The following TAFA1 variants were observed in gnomAD, a reference collection of about 807,000 sequenced individuals.
The protein encoded by TAFA1 is chemokine-like protein TAFA-1.
In TAFA1, 4 loss-of-function variants were observed where a neutral mutation model predicts 18.5. That is an observed-to-expected ratio of 0.22 (90% CI 0.11 to 0.49). The LOEUF is 0.49. Ranked by LOEUF, TAFA1 falls within the 20% of genes least tolerant of loss-of-function variation. TAFA1 has a pLI of 0.98. For synonymous variants in TAFA1, 56 were observed against 55.2 expected, an observed-to-expected ratio of 1.01 and a Z score of -0.06; for missense variants, 147 against 169.0, an observed-to-expected ratio of 0.87 and a Z score of 0.72.
chr3:68,168,398 T>G (rs898536230), intron 2 of TAFA1, among the ~76,000 whole-genome samples: 5 of 152,248 alleles, frequency 3.3e-5, no homozygotes, highest in African/African-American at 9.6e-5. Context: ...TAACCACACG[T>G]TAATTCTCCC....
intron 2 of TAFA1, among the ~76,000 whole-genome samples, chr3:68,197,625 A>G (rs1435671934): frequency 6.6e-6 from 1 of 151,470 alleles, no homozygotes; most frequent in African/African-American, 2.4e-5. Flanking sequence ...CTTAGTTGAC[A>G]GGGACTACTC....
At chr3:68,106,291 A>G (rs990674881) in intron 2 of TAFA1, among the ~76,000 whole-genome samples, 3 of 152,164 alleles carry the variant, frequency 2.0e-5, no homozygotes, top group African/African-American at 7.2e-5. Flanking sequence ...GGAAAGTGCT[A>G]TCCAAGTGGA....
At chr3:68,024,586 T>C (rs1221018102) in intron 2 of TAFA1, among the ~76,000 whole-genome samples, 2 of 151,928 alleles carry the variant, frequency 1.3e-5, no homozygotes, top group African/African-American at 4.8e-5. Flanking sequence ...GAAGAAAAAA[T>C]GGGAAGGCTA....
chr3:68,318,212 A>AC (rs2068637216), intron 2 of TAFA1, among the ~76,000 whole-genome samples: 1 of 152,178 alleles, frequency 6.6e-6, no homozygotes, highest in Admixed American at 6.6e-5. Context: ...AACCACCAAT[A>AC]CCAAGGCAAA....
intron 3 of TAFA1, among the ~76,000 whole-genome samples, chr3:68,509,556 T>A (rs962705672): frequency 1.3e-5 from 2 of 152,134 alleles, no homozygotes; most frequent in Non-Finnish European, 2.9e-5. Flanking sequence ...AAAATAGATA[T>A]GCTTATGGGC....
At chr3:68,458,204 T>C (rs1279998602) in intron 3 of TAFA1, among the ~76,000 whole-genome samples, 1 of 152,102 alleles carries the variant, frequency 6.6e-6, no homozygotes, top group Non-Finnish European at 1.5e-5. Context: ...CTTCTCTCTA[T>C]ATTTCCCCTT....
chr3:68,431,313 A>G (rs1480798476), intron 3 of TAFA1, among the ~76,000 whole-genome samples: 2 of 152,010 alleles, frequency 1.3e-5, no homozygotes, highest in South Asian at 2.1e-4. Flanking sequence ...ATAAAACCAC[A>G]TTCACACTAT....
intron 3 of TAFA1, among the ~76,000 whole-genome samples, chr3:68,502,715 A>G (rs910936170): frequency 2.6e-5 from 4 of 152,078 alleles, no homozygotes; most frequent in Non-Finnish European, 5.9e-5. Context: ...CAAGTAAAAC[A>G]GCTCCTTCTT....
At chr3:68,320,351 C>T (rs974240270) in intron 2 of TAFA1, among the ~76,000 whole-genome samples, 1 of 152,174 alleles carries the variant, frequency 6.6e-6, no homozygotes, top group African/African-American at 2.4e-5. Flanking sequence ...CATTGCCCTG[C>T]TCTGCTCTGG....
At chr3:68,307,077 A>G (rs1032047714) in intron 2 of TAFA1, among the ~76,000 whole-genome samples, 1 of 152,200 alleles carries the variant, frequency 6.6e-6, no homozygotes, top group Non-Finnish European at 1.5e-5. Flanking sequence ...TAAGGTGTGA[A>G]TAATGATAGT....
In TAFA1 at chr3:68,084,723, G is replaced by A. The variant is rs966875845; in HGVS notation, c.118+77979G>A. On this transcript the variant is annotated intron_variant, in intron 2 of 4. Transcript: ENST00000478136. The stretch of plus-strand genomic sequence containing the variant: ...TCAGGCAGGAGAATCGCTTGAAGCC[G>A]GGAGGCGGAGGTTGCAGCGAGCCGA... Among the ~76,000 whole-genome samples the A allele has an allele frequency of 5.9e-5, 9 of 151,834 alleles. No individual in the cohort carries two copies. The East Asian group carries it at 1.2e-3, about 20-fold the overall frequency.
chr3:68,488,350 G>T (rs938378137), intron 3 of TAFA1, among the ~76,000 whole-genome samples: 7 of 152,172 alleles, frequency 4.6e-5, no homozygotes, highest in African/African-American at 7.2e-5. Context: ...TTCTAGCCAC[G>T]CTGGCAGCTG....
chr3:68,361,932 T>A (rs2069475344), intron 2 of TAFA1, among the ~76,000 whole-genome samples: 1 of 152,088 alleles, frequency 6.6e-6, no homozygotes, highest in South Asian at 2.1e-4. Context: ...AAATCAATGA[T>A]CTTTTTACTA....
chr3:68,309,560 A>G (rs780859415), intron 2 of TAFA1, among the ~76,000 whole-genome samples: 32 of 152,198 alleles, frequency 2.1e-4, no homozygotes, highest in Non-Finnish European at 4.3e-4. Context: ...ACACTGAGAG[A>G]CCCAAATACA....
At chr3:68,082,898 T>C (rs1356932826) in intron 2 of TAFA1, among the ~76,000 whole-genome samples, 2 of 152,172 alleles carry the variant, frequency 1.3e-5, no homozygotes, top group Admixed American at 6.5e-5. Context: ...CTATTTGACA[T>C]TGAGAAAGTC....
At chr3:68,231,895 T>C (rs1456167896) in intron 2 of TAFA1, among the ~76,000 whole-genome samples, 1 of 152,164 alleles carries the variant, frequency 6.6e-6, no homozygotes, top group African/African-American at 2.4e-5. Flanking sequence ...TCTGTCTCTA[T>C]AGACTGGAAA....
At chr3:68,210,687 T>G (rs1413235417) in intron 2 of TAFA1, among the ~76,000 whole-genome samples, 1 of 152,086 alleles carries the variant, frequency 6.6e-6, no homozygotes, top group Non-Finnish European at 1.5e-5. Flanking sequence ...TTGCTGCTAC[T>G]ACTGATGCAG....
intron 2 of TAFA1, among the ~76,000 whole-genome samples, chr3:68,023,777 G>A (rs1328766236): frequency 1.3e-5 from 2 of 152,066 alleles, no homozygotes; most frequent in Non-Finnish European, 2.9e-5. Context: ...CATCAAGCTT[G>A]TTTTGTTTTA....
At chr3:68,188,565 ATTTTAT>A (rs2066299294) in intron 2 of TAFA1, among the ~76,000 whole-genome samples, 1 of 149,954 alleles carries the variant, frequency 6.7e-6, no homozygotes, top group Non-Finnish European at 1.5e-5. Context: ...CTAGCATCTA[ATTTTAT>A]TTTTATGTAT....
Sources: allele counts gnomAD v4.1 joint callset (sites outside exome capture counted in the v4.1 genomes callset), GRCh38; gene constraint gnomAD v4.1.1; transcripts MANE v1.5; gene names NCBI Gene and HGNC (gene_info 2026-07-23, HGNC 2026-07-21).